Variants in PXDNL observed in about 807,000 individuals in gnomAD.
The protein encoded by PXDNL is probable oxidoreductase PXDNL.
A neutral mutation model predicts 150.8 loss-of-function variants in PXDNL; 145 were observed. The ratio of observed to expected loss-of-function variants is 0.96; its 90% CI spans 0.84 to 1.10. PXDNL has a LOEUF of 1.10. PXDNL is among the 50% of genes least tolerant of loss of function. The pLI is 0.00. For missense variants in PXDNL, 2,087 were observed against 1,873.9 expected (o/e 1.11, Z -2.10); for synonymous variants, 757 against 725.7 (o/e 1.04, Z -0.69).
In PXDNL at chr8:51,797,673, G is replaced by A. The variant is rs539081444; in HGVS notation, c.164+11508C>T. ...TAAGCCACTGCTCTAGGAAATAAGAGAGGACACAAACAAATGGAAAAACAT... is the reference window on the plus strand; with the variant it reads ...TAAGCCACTGCTCTAGGAAATAAGAAAGGACACAAACAAATGGAAAAACAT... On this transcript the variant is annotated intron_variant, in intron 1 of 22. Coordinates refer to ENST00000356297, the MANE Select transcript of PXDNL (RefSeq NM_144651.5). Among the ~76,000 whole-genome samples the A allele has an allele frequency of 4.1e-4, 63 of 152,226 alleles. No individual in the cohort carries two copies. The South Asian group carries it at 0.013, about 32-fold the overall frequency.
intron 1 of PXDNL, among the ~76,000 whole-genome samples, chr8:51,787,747 A>G (rs2037474247): frequency 3.3e-5 from 5 of 152,274 alleles, no homozygotes; most frequent in Admixed American, 3.3e-4. Context: ...ATAAGGCAGT[A>G]GCAAGGATTG....
intron 3 of PXDNL, among the ~76,000 whole-genome samples, chr8:51,576,515 T>G (rs191255419): frequency 6.6e-6 from 1 of 151,856 alleles, no homozygotes; most frequent in East Asian, 1.9e-4. Flanking sequence ...GGGATATAGA[T>G]AAGGTAGTAT....
chr8:51,799,178 G>A (rs1039179453), intron 1 of PXDNL, among the ~76,000 whole-genome samples: 10 of 152,150 alleles, frequency 6.6e-5, no homozygotes, highest in African/African-American at 2.2e-4. Context: ...ATAAGTGGGA[G>A]CTGAACAATG....
At chr8:51,486,790 ATATATTTTTTTTTTTTTTTTT>A (rs1253886424) in intron 5 of PXDNL, among the ~76,000 whole-genome samples, 12 of 23,956 alleles carry the variant, frequency 5.0e-4, no homozygotes, top group African/African-American at 2.1e-3. Context: ...ATATATATAT[ATATATTTTTTTTTTTTTTTTT>A]TTTTTTTTTT....
In PXDNL at chr8:51,371,885, C is replaced by G. The variant is rs1318009055; in HGVS notation, c.3889G>C (p.Asp1297His). ...CATTATTACTGACCTGCACAGCAGT[C>G]TTGCCACACTCGCAGGTCCACCTTC... The part of the protein sequence containing the change: ...IPKVDLRVWQ[D>H]CCADCRSRGQ... Residue 1297 changes from aspartate to histidine, a missense_variant, in exon 19 of 23, where the codon GAC becomes CAC. Asp to His is a moderately conservative substitution (Grantham distance 81). Coordinates refer to ENST00000356297, the MANE Select transcript of PXDNL (RefSeq NM_144651.5). The G allele has an allele frequency of 1.2e-6, 2 of 1,613,796 alleles. No individual in the cohort carries two copies. Among genetic ancestry groups the G allele is most frequent in the East Asian group, 4.5e-5 (2 of 44,888 alleles).
At chr8:51,629,840 GAAT>G (rs1814453397) in intron 2 of PXDNL, among the ~76,000 whole-genome samples, 2 of 151,822 alleles carry the variant, frequency 1.3e-5, no homozygotes, top group African/African-American at 2.4e-5. Flanking sequence ...CCTCGAAAAT[GAAT>G]AATAAGATGG....
intron 1 of PXDNL, among the ~76,000 whole-genome samples, chr8:51,758,662 A>G (rs1366845164): frequency 6.6e-6 from 1 of 152,156 alleles, no homozygotes; most frequent in Non-Finnish European, 1.5e-5. Flanking sequence ...TTCCTCCCAG[A>G]TGCATTCTCC....
intron 3 of PXDNL, among the ~76,000 whole-genome samples, chr8:51,586,561 A>T (rs1230592669): frequency 6.6e-6 from 1 of 152,178 alleles, no homozygotes; most frequent in Non-Finnish European, 1.5e-5. Context: ...ACCTGGTGAG[A>T]GTTGTGTCCT....
intron 10 of PXDNL, among the ~76,000 whole-genome samples, chr8:51,453,115 G>C (rs541581950): frequency 6.6e-6 from 1 of 152,224 alleles, no homozygotes; most frequent in Non-Finnish European, 1.5e-5. Context: ...GTCTGGCCTC[G>C]TAGGAGCCTT....
intron 4 of PXDNL, among the ~76,000 whole-genome samples, chr8:51,501,292 ACT>A (rs1365686606): frequency 2.0e-5 from 3 of 152,004 alleles, no homozygotes; most frequent in Non-Finnish European, 2.9e-5. Flanking sequence ...TCACTAACAG[ACT>A]CTCACACACA....
intron 9 of PXDNL, among the ~76,000 whole-genome samples, chr8:51,456,774 T>A (rs1809946590): frequency 6.6e-6 from 1 of 152,206 alleles, no homozygotes; most frequent in Non-Finnish European, 1.5e-5. Flanking sequence ...GAATTGGCCA[T>A]GGTGAGATTA....
chr8:51,563,233 C>T (rs2130564909), intron 3 of PXDNL, among the ~76,000 whole-genome samples: 1 of 152,098 alleles, frequency 6.6e-6, no homozygotes, highest in East Asian at 1.9e-4. Context: ...TATATGCTAA[C>T]AGTTCTAGAG....
intron 1 of PXDNL, among the ~76,000 whole-genome samples, chr8:51,742,646 TTATA>T (rs1237705554): frequency 6.6e-6 from 1 of 150,938 alleles, no homozygotes; most frequent in Non-Finnish European, 1.5e-5. Flanking sequence ...TATAAACATT[TTATA>T]TATATAAACA....
At chr8:51,590,199 A>G (rs886353383) in intron 3 of PXDNL, among the ~76,000 whole-genome samples, 3 of 152,094 alleles carry the variant, frequency 2.0e-5, no homozygotes, top group Non-Finnish European at 4.4e-5. Flanking sequence ...TCCACATGGT[A>G]TAAGTCTCCA....
intron 9 of PXDNL, 143 bp from the exon 10 acceptor site, chr8:51,453,928 T>A: frequency 1.4e-6 from 1 of 699,378 alleles, no homozygotes; most frequent in Non-Finnish European, 2.2e-6. Context: ...TATACACATT[T>A]AATTCCCAGA....
chr8:51,795,077 T>C (rs1263200860), intron 1 of PXDNL, among the ~76,000 whole-genome samples: 1 of 152,166 alleles, frequency 6.6e-6, no homozygotes, highest in Non-Finnish European at 1.5e-5. Flanking sequence ...AAGGGATCAA[T>C]TCAACAAGAA....
At chr8:51,559,549 C>G (rs1019886033) in intron 3 of PXDNL, among the ~76,000 whole-genome samples, 1 of 151,926 alleles carries the variant, frequency 6.6e-6, no homozygotes, top group Non-Finnish European at 1.5e-5. Flanking sequence ...AGAAAGAGAG[C>G]ATTAGCAACT....
At chr8:51,767,293 T>G (rs996799559) in intron 1 of PXDNL, among the ~76,000 whole-genome samples, 3 of 151,930 alleles carry the variant, frequency 2.0e-5, no homozygotes, top group African/African-American at 7.3e-5. Flanking sequence ...TCCTCCTTTC[T>G]CTGTGAAAAC....
chr8:51,738,325 C>T (rs1270417883), intron 1 of PXDNL, among the ~76,000 whole-genome samples: 1 of 152,180 alleles, frequency 6.6e-6, no homozygotes, highest in Non-Finnish European at 1.5e-5. Context: ...TGCTCTTCAG[C>T]CAAAGCCACC....
Sources: allele counts gnomAD v4.1 joint callset (sites outside exome capture counted in the v4.1 genomes callset), GRCh38; gene constraint gnomAD v4.1.1; transcripts MANE v1.5; gene names NCBI Gene and HGNC (gene_info 2026-07-23, HGNC 2026-07-21).